The following SLC24A3 variants were observed in gnomAD, a reference collection of about 807,000 sequenced individuals.
SLC24A3 encodes solute carrier family 24 member 3.
Under a neutral mutation model 75.8 loss-of-function variants are expected in SLC24A3, and 28 were observed. The observed-to-expected ratio is 0.37, with a 90% CI of 0.27 to 0.51. The LOEUF (loss-of-function observed/expected upper bound fraction) is 0.51, where lower values mean the gene tolerates loss of function less well. SLC24A3 is among the 20% of genes least tolerant of loss of function. The pLI is 0.94. For missense variants in SLC24A3, 663 were observed against 847.8 expected, an observed-to-expected ratio of 0.78 and a Z score of 2.71; for synonymous variants, 372 against 334.1, an observed-to-expected ratio of 1.11 and a Z score of -1.24.
At position 19,654,112 on chromosome 20, in the gene SLC24A3, G is replaced by A. The variant is rs199574647; in HGVS notation, c.663G>A (p.Thr221=). 25 of 1,613,616 alleles carry A rather than the reference G, an allele frequency of 1.5e-5. No individual in the cohort carries two copies. In the East Asian group the frequency reaches 2.7e-4, roughly 17 times the overall value. Residue 221 remains threonine, a synonymous_variant, in exon 7 of 17, where the codon ACG becomes ACA. Transcript: ENST00000328041. ...WCLLRDSIYY[T]LSVIALIVFI... is the part of the protein sequence containing the mutation. The stretch of plus-strand genomic sequence containing the variant: ...TGCTGAGGGATTCTATTTACTACAC[G>A]CTGTCTGTGATCGCGCTCATCGTGG...
intron 2 of SLC24A3, among the ~76,000 whole-genome samples, chr20:19,419,227 T>A (rs948767705): frequency 5.9e-5 from 9 of 152,166 alleles, no homozygotes; most frequent in Non-Finnish European, 1.0e-4. Flanking sequence ...TGGGCCAAGA[T>A]CACTGATTAT....
chr20:19,477,670 A>G (rs1184190641), intron 2 of SLC24A3, among the ~76,000 whole-genome samples: 1 of 152,112 alleles, frequency 6.6e-6, no homozygotes, highest in Non-Finnish European at 1.5e-5. Flanking sequence ...CTATCCTGGC[A>G]TGAGGGTGCC....
At position 19,582,694 on chromosome 20, in the gene SLC24A3, C is replaced by T. The variant is rs16980846; in HGVS notation, c.424-2277C>T. Among the ~76,000 whole-genome samples, 205 of 152,270 alleles carry T rather than the reference C, an allele frequency of 1.3e-3. 2 individuals are homozygous for T. The East Asian group carries it at 0.022, about 17-fold the overall frequency. On this transcript the variant is annotated intron_variant, in intron 4 of 16. Coordinates refer to ENST00000328041, the MANE Select transcript of SLC24A3 (RefSeq NM_020689.4). ...ACAGTCCAGAGATACCATTGCAGAA[C>T]GTGCAGAGAGGGTCTCCAGAGTTTA...
chr20:19,592,979 AG>A (rs2031400941), intron 6 of SLC24A3, among the ~76,000 whole-genome samples: 1 of 151,900 alleles, frequency 6.6e-6, no homozygotes, highest in African/African-American at 2.4e-5. Flanking sequence ...TATTTTTAGT[AG>A]GGACAGGGTT....
chr20:19,443,414 A>AT (rs1184410453), intron 2 of SLC24A3, among the ~76,000 whole-genome samples: 1 of 151,916 alleles, frequency 6.6e-6, no homozygotes, highest in East Asian at 1.9e-4. Flanking sequence ...TTTATACTTA[A>AT]TTTTTTGTTA....
chr20:19,616,418 C>T (rs2424235), intron 6 of SLC24A3, among the ~76,000 whole-genome samples: 85,121 of 152,052 alleles, frequency 0.56, 27,060 homozygotes, highest in Non-Finnish European at 0.7. Flanking sequence ...TAGACAGAGT[C>T]ATTCAGGACC....
chr20:19,562,131 C>A (rs757301216), intron 3 of SLC24A3, among the ~76,000 whole-genome samples: 1 of 152,150 alleles, frequency 6.6e-6, no homozygotes, highest in Non-Finnish European at 1.5e-5. Context: ...CTTCTTGCTT[C>A]TTCTGAGCCC....
chr20:19,248,595 C>T (rs1028942556), intron 1 of SLC24A3, among the ~76,000 whole-genome samples: 2 of 152,026 alleles, frequency 1.3e-5, no homozygotes, highest in Non-Finnish European at 2.9e-5. Flanking sequence ...ATGAAGGTTC[C>T]TCAAAAAACT....
intron 3 of SLC24A3, among the ~76,000 whole-genome samples, chr20:19,557,083 G>A (rs552612380): frequency 6.6e-6 from 1 of 152,262 alleles, no homozygotes; most frequent in African/African-American, 2.4e-5. Flanking sequence ...GGATTTAGAA[G>A]TCTGCAGCTC....
At chr20:19,390,282 T>C (rs1986344840) in intron 2 of SLC24A3, among the ~76,000 whole-genome samples, 2 of 152,214 alleles carry the variant, frequency 1.3e-5, no homozygotes, top group African/African-American at 4.8e-5. Flanking sequence ...CCCTGATTAT[T>C]TGTGATCCTT....
At chr20:19,513,497 T>C (rs1347093212) in intron 2 of SLC24A3, among the ~76,000 whole-genome samples, 1 of 152,206 alleles carries the variant, frequency 6.6e-6, no homozygotes, top group African/African-American at 2.4e-5. Context: ...GCCCCTCACA[T>C]TAATTTCCAG....
chr20:19,393,369 A>C (rs1228405367), intron 2 of SLC24A3, among the ~76,000 whole-genome samples: 2 of 152,188 alleles, frequency 1.3e-5, no homozygotes, highest in African/African-American at 4.8e-5. Context: ...ACCACTGGAA[A>C]TCCTAATCAG....
chr20:19,634,382 T>A (rs865827657), intron 6 of SLC24A3, among the ~76,000 whole-genome samples: 1 of 152,126 alleles, frequency 6.6e-6, no homozygotes, highest in Non-Finnish European at 1.5e-5. Context: ...CTGGGGAGAC[T>A]CTAGTTCATT....
At position 19,628,416 on chromosome 20, in the gene SLC24A3, T is replaced by G. The variant is rs139946458; in HGVS notation, c.613-25646T>G. On this transcript the variant is annotated intron_variant, in intron 6 of 16. Coordinates refer to ENST00000328041, the MANE Select transcript of SLC24A3 (RefSeq NM_020689.4). ...CCTTTGTGAGAACATCAGAAACCAG[T>G]TGACAGGTTACAGGACCCCAGGTGA... 1.8e-4 allele frequency among the ~76,000 whole-genome samples: 27 copies of G among 151,878 alleles called. 1 individual carries two copies. The East Asian group carries it at 5.2e-3, about 30-fold the overall frequency.
intron 3 of SLC24A3, among the ~76,000 whole-genome samples, chr20:19,569,002 A>C (rs1439517606): frequency 6.6e-6 from 1 of 152,174 alleles, no homozygotes; most frequent in Non-Finnish European, 1.5e-5. Context: ...TAAGAAAACG[A>C]ATACATAAGC....
At chr20:19,661,919 G>A (rs370859535) in intron 7 of SLC24A3, among the ~76,000 whole-genome samples, 88 of 152,244 alleles carry the variant, frequency 5.8e-4, no homozygotes, top group African/African-American at 1.9e-3. Flanking sequence ...ATGTAAGCCC[G>A]TCTTGCTTGG....
rs2033103996 is a variant in SLC24A3, at chr20:19,721,422, C to T, written c.*282C>T. 1 of 357,750 alleles carries T rather than the reference C, an allele frequency of 2.8e-6. No individual in the cohort carries two copies. The highest frequency in any genetic ancestry group is 5.0e-6 in the Non-Finnish European group (1 of 198,208). The allele number at this position is 357,750 out of a possible 1,614,324, so 22.2% of individuals were successfully genotyped here. A position where few individuals can be genotyped will look rare whatever the true frequency, so the allele number is the denominator to read the frequency against. ...CCATTTTTGAACAGTGACTGAGATT[C>T]TAGAAAAACTGGCTGCTAACTGGCC... On this transcript the variant is annotated 3_prime_UTR_variant, in exon 17 of 17. Coordinates refer to ENST00000328041, the MANE Select transcript of SLC24A3 (RefSeq NM_020689.4).
intron 1 of SLC24A3, among the ~76,000 whole-genome samples, chr20:19,214,316 G>C (rs1256720320): frequency 1.3e-5 from 2 of 152,190 alleles, no homozygotes; most frequent in Admixed American, 6.5e-5. Flanking sequence ...CATCAGGAAG[G>C]GGGCCGTGCC....
chr20:19,522,984 G>A (rs1278190323), intron 3 of SLC24A3, among the ~76,000 whole-genome samples: 1 of 152,058 alleles, frequency 6.6e-6, no homozygotes, highest in East Asian at 1.9e-4. Flanking sequence ...CTATAAAAAA[G>A]GAAAGGGAGA....
Sources: gnomAD v4.1 joint callset for allele counts (sites outside exome capture counted in the v4.1 genomes callset) on GRCh38, gnomAD v4.1.1 for gene constraint, MANE v1.5 for transcripts, NCBI Gene and HGNC (gene_info 2026-07-23, HGNC 2026-07-21) for gene names.